The following TFCP2L1 variants were observed in gnomAD, a reference collection of about 807,000 sequenced individuals.
TFCP2L1 encodes transcription factor CP2 like 1, also known as transcription factor CP2-like protein 1.
Under a neutral mutation model 72.2 loss-of-function variants are expected in TFCP2L1, and 12 were observed. The ratio of observed to expected loss-of-function variants is 0.17; its 90% CI spans 0.11 to 0.27. TFCP2L1 has a LOEUF of 0.27. TFCP2L1 is among the 10% of genes least tolerant of loss of function. The probability of loss-of-function intolerance (pLI) is 1.00; values close to 1 mark genes in which losing one functional copy is unlikely to be tolerated. For synonymous variants in TFCP2L1, 260 were observed against 251.0 expected (o/e 1.04, Z -0.34); for missense variants, 488 against 624.6 (o/e 0.78, Z 2.33).
intron 2 of TFCP2L1, among the ~76,000 whole-genome samples, chr2:121,275,268 C>T (rs1409244582): frequency 4.0e-4 from 3 of 7,470 alleles, no homozygotes; most frequent in Non-Finnish European, 6.8e-4. Context: ...CCTGTAGTCG[C>T]GGCGCCTGTA....
intron 2 of TFCP2L1, among the ~76,000 whole-genome samples, chr2:121,278,095 G>A (rs1687182410): frequency 6.8e-6 from 1 of 146,876 alleles, no homozygotes; most frequent in Admixed American, 6.8e-5. Flanking sequence ...GGACTGCAGT[G>A]GCGCAATCTC....
In TFCP2L1 at chr2:121,224,386, A is replaced by G; in HGVS notation, c.1395T>C (p.Ala465=). Residue 465 remains alanine, a splice_region_variant and synonymous_variant, in exon 15 of 15, where the codon GCT becomes GCC. Coordinates refer to ENST00000263707, the MANE Select transcript of TFCP2L1 (RefSeq NM_014553.3). ...TGATGTGGTAGCCATCATTGCTCTCAGCTGCAAGAGAGAAACACTGGGTGT... is the reference window on the plus strand; with the variant it reads ...TGATGTGGTAGCCATCATTGCTCTCGGCTGCAAGAGAGAAACACTGGGTGT... ...ESCFVLSTIK[A]ESNDGYHIIL... 1 of 1,613,818 alleles carries G rather than the reference A, an allele frequency of 6.2e-7. No individual in the cohort carries two copies. Among genetic ancestry groups the G allele is most frequent in the East Asian group, 2.2e-5 (1 of 44,874 alleles).
At chr2:121,270,783 T>G (rs1187533086) in intron 2 of TFCP2L1, among the ~76,000 whole-genome samples, 2 of 151,584 alleles carry the variant, frequency 1.3e-5, no homozygotes, top group Non-Finnish European at 2.9e-5. Flanking sequence ...AGGGGAAAAT[T>G]GCTTGAGCCC....
intron 1 of TFCP2L1, among the ~76,000 whole-genome samples, chr2:121,282,981 A>G (rs965777230): frequency 1.3e-5 from 2 of 152,158 alleles, no homozygotes; most frequent in African/African-American, 2.4e-5. Context: ...TTTCCCCCAC[A>G]GGGCGTCTTC....
Position 121,225,673 on chromosome 2 carries a change from C to T in TFCP2L1, c.1342-60G>A, listed in dbSNP as rs115404929. On this transcript the variant is annotated intron_variant, in intron 13 of 14. Coordinates refer to ENST00000263707, the MANE Select transcript of TFCP2L1 (RefSeq NM_014553.3). The stretch of plus-strand genomic sequence containing the variant: ...CACGAGTTCATCATTTGGAAAGCCT[C>T]GGTGGCAGAGCCTAGCCATGCGCAG... The T allele has an allele frequency of 2.3e-3, 3,683 of 1,586,610 alleles. 120 individuals are homozygous for T. The African/African-American group carries it at 0.044, about 19-fold the overall frequency.
At chr2:121,284,533 G>A (rs1401294809) in intron 1 of TFCP2L1, among the ~76,000 whole-genome samples, 1 of 152,220 alleles carries the variant, frequency 6.6e-6, no homozygotes, top group Non-Finnish European at 1.5e-5. Flanking sequence ...CGCGGGAAGT[G>A]GGGCGGCCTG....
intron 14 of TFCP2L1, 48 bp from the exon 15 acceptor site, chr2:121,224,435 T>A (rs4384798): frequency 0.49 from 791,915 of 1,600,066 alleles, 203,531 homozygotes; most frequent in Non-Finnish European, 0.54. Context: ...AAAGGTGCAG[T>A]GCCACAGTAT....
intron 7 of TFCP2L1, chr2:121,240,183 T>C (rs1390271171): frequency 1.0e-6 from 1 of 985,130 alleles, no homozygotes; most frequent in Non-Finnish European, 1.2e-6. Flanking sequence ...CGGTGAAATT[T>C]GATGGTGTTC....
chr2:121,240,450 C>T (rs868585264), intron 7 of TFCP2L1: 4 of 985,406 alleles, frequency 4.1e-6, no homozygotes, highest in Non-Finnish European at 2.4e-6. Flanking sequence ...TACTATCACC[C>T]ACCAAACTAT....
intron 6 of TFCP2L1, 31 bp from the exon 7 acceptor site, chr2:121,242,500 C>T: frequency 6.2e-7 from 1 of 1,605,202 alleles, no homozygotes; most frequent in Non-Finnish European, 8.5e-7. Context: ...CCAATCAGCC[C>T]AAAACCAACA....
In TFCP2L1 at chr2:121,281,219, C is replaced by T. The variant is rs372808199; in HGVS notation, c.115G>A (p.Glu39Lys). The T allele has an allele frequency of 2.4e-5, 39 of 1,612,440 alleles. No homozygotes were observed. Among genetic ancestry groups the T allele is most frequent in the Non-Finnish European group, 3.1e-5 (36 of 1,179,668 alleles). The change falls in exon 2 of 15, where the codon GAG (glutamate) becomes AAG (lysine). Residue 39 changes from glutamate (E) to lysine (K), a missense_variant. By Grantham distance (56) the Glu-to-Lys change is moderately conservative (BLOSUM62 1). Coordinates refer to ENST00000263707, the MANE Select transcript of TFCP2L1 (RefSeq NM_014553.3). ...FKQEEPQLSP[E>K]NEARLPPLQY... Reference sequence around the variant, plus strand: ...AGGGGTGGCAGGCGGGCCTCGTTCTCGGGGGACAGCTGGGGTTCCTCCTGC... The same window carrying T: ...AGGGGTGGCAGGCGGGCCTCGTTCTTGGGGGACAGCTGGGGTTCCTCCTGC...
intron 2 of TFCP2L1, among the ~76,000 whole-genome samples, chr2:121,271,783 G>A (rs1687052519): frequency 6.6e-6 from 1 of 152,218 alleles, no homozygotes; most frequent in Non-Finnish European, 1.5e-5. Context: ...GCAGAAGCTG[G>A]TCAAAAAGAC....
intron 2 of TFCP2L1, among the ~76,000 whole-genome samples, chr2:121,280,910 GA>G (rs1687244025): frequency 6.6e-6 from 1 of 152,132 alleles, no homozygotes; most frequent in East Asian, 1.9e-4. Flanking sequence ...TGAGGTATCT[GA>G]TGTTTCCATT....
At chr2:121,241,190 G>A (rs1313611990) in intron 7 of TFCP2L1, among the ~76,000 whole-genome samples, 1 of 152,204 alleles carries the variant, frequency 6.6e-6, no homozygotes, top group Non-Finnish European at 1.5e-5. Flanking sequence ...GGCACTAGCT[G>A]CAACTCGTAA....
In TFCP2L1 at chr2:121,251,181, G is replaced by A. The variant is rs981463515; in HGVS notation, c.215-1534C>T. 3.3e-5 allele frequency among the ~76,000 whole-genome samples: 5 copies of A among 151,950 alleles called. No individual in the cohort carries two copies. In the South Asian group the frequency reaches 8.3e-4, roughly 25 times the overall value. ...TGAGACAGGAGAATCACTTGAACCC[G>A]GGAGGCAGAGGTTGCAGTGGGCCAA... On this transcript the variant is annotated intron_variant, in intron 2 of 14. Coordinates refer to ENST00000263707, the MANE Select transcript of TFCP2L1 (RefSeq NM_014553.3).
chr2:121,241,893 A>G (rs1686376522), intron 7 of TFCP2L1, among the ~76,000 whole-genome samples: 1 of 152,148 alleles, frequency 6.6e-6, no homozygotes, highest in Admixed American at 6.5e-5. Flanking sequence ...CACTGTTGGT[A>G]TATAAATGCA....
chr2:121,229,271 G>C (rs538275201), intron 13 of TFCP2L1, among the ~76,000 whole-genome samples: 1 of 152,118 alleles, frequency 6.6e-6, no homozygotes, highest in Non-Finnish European at 1.5e-5. Flanking sequence ...AGAGACAAGA[G>C]CACAAAAAAT....
In TFCP2L1 at chr2:121,237,728, G is replaced by GT; in HGVS notation, c.910-13_910-12insA. 1 of 1,614,182 alleles carries GT rather than the reference G, an allele frequency of 6.2e-7. No homozygotes were observed. Among genetic ancestry groups the GT allele is most frequent in the Non-Finnish European group, 8.5e-7 (1 of 1,180,036 alleles). On this transcript the variant is annotated splice_polypyrimidine_tract_variant and intron_variant, in intron 9 of 14. Transcript: ENST00000263707. ...GATGGGAGCAGGTGCTGTGAGCAGA[G>GT]GGGAGAGGCCTTGAGATGGTGGCTC...
intron 13 of TFCP2L1, 52 bp from the exon 14 acceptor site, chr2:121,225,665 G>A: frequency 6.2e-7 from 1 of 1,603,884 alleles, no homozygotes; most frequent in Non-Finnish European, 8.5e-7. Flanking sequence ...TCATCATTTG[G>A]AAAGCCTCGG....
Sources: allele counts gnomAD v4.1 joint callset (sites outside exome capture counted in the v4.1 genomes callset), GRCh38; gene constraint gnomAD v4.1.1; transcripts MANE v1.5; gene names NCBI Gene and HGNC (gene_info 2026-07-23, HGNC 2026-07-21).